The following ITGA11 variants were observed in gnomAD, a reference collection of about 807,000 sequenced individuals.
ITGA11 encodes the protein integrin subunit alpha 11.
ITGA11 carries 97 observed loss-of-function variants against 141.9 expected under a neutral mutation model. That is an observed-to-expected ratio of 0.68 (90% CI 0.58 to 0.81). The LOEUF is 0.81. ITGA11 is among the 30% of genes least tolerant of loss of function. ITGA11 has a pLI of 0.00. For missense variants in ITGA11, 1,387 were observed against 1,559.2 expected (o/e 0.89, Z 1.86); for synonymous variants, 658 against 624.6 (o/e 1.05, Z -0.80).
Position 68,325,116 on chromosome 15 carries a change from T to C in ITGA11, c.2322+15A>G. The C allele has an allele frequency of 6.3e-7, 1 of 1,597,760 alleles. No homozygotes were observed. The highest frequency in any genetic ancestry group is 8.6e-7 in the Non-Finnish European group (1 of 1,165,200). ...GGGTTCATGCCCGAGGTGCGTGCCC[T>C]GTACCGAGATGTACCGAGACTCTGA... On this transcript the variant is annotated intron_variant, in intron 18 of 29. Transcript: ENST00000315757. The surrounding 1 kb of genome is among the most constrained non-coding windows in gnomAD (Gnocchi z 5.5).
At chr15:68,404,479 AG>A (rs1365552925) in intron 1 of ITGA11, among the ~76,000 whole-genome samples, 1 of 152,216 alleles carries the variant, frequency 6.6e-6, no homozygotes, top group East Asian at 1.9e-4. Flanking sequence ...GCAAATCACA[AG>A]AAACAACAAA....
chr15:68,307,730 C>A lies in ITGA11; in HGVS notation c.3175-34G>T. 6.7e-7 allele frequency: 1 copy of A among 1,499,734 alleles called. No homozygotes were observed. The highest frequency in any genetic ancestry group is 9.3e-7 in the Non-Finnish European group (1 of 1,079,556). 92.9% of individuals were successfully genotyped at this position (1,499,734 alleles called of 1,614,324 possible). A position where few individuals can be genotyped will look rare whatever the true frequency, so the allele number is the denominator to read the frequency against. The stretch of plus-strand genomic sequence containing the variant: ...GAAGATGGGTCTCAGGGCTGAGCTG[C>A]TGGGCTAGGGGAGCAGGGGGCAGCA... On this transcript the variant is annotated intron_variant, in intron 26 of 29. Coordinates refer to ENST00000315757, the MANE Select transcript of ITGA11 (RefSeq NM_001004439.2). The surrounding 1 kb of genome is among the most constrained non-coding windows in gnomAD (Gnocchi z 6.1).
At chr15:68,306,050 C>T (rs1325831434) in intron 28 of ITGA11, among the ~76,000 whole-genome samples, 2 of 148,318 alleles carry the variant, frequency 1.3e-5, no homozygotes, top group South Asian at 2.1e-4. Flanking sequence ...ATTAGCCAGG[C>T]GTAGTGGCGG....
Position 68,304,787 on chromosome 15 carries a change from C to G in ITGA11, c.3382-902G>C, listed in dbSNP as rs544646357. Among the ~76,000 whole-genome samples, 2 of 152,314 alleles carry G rather than the reference C, an allele frequency of 1.3e-5. No homozygotes were observed. Among genetic ancestry groups the G allele is most frequent in the South Asian group, 4.1e-4 (2 of 4,824 alleles). On this transcript the variant is annotated intron_variant, in intron 28 of 29. Transcript: ENST00000315757. This position sits in a 1 kb window ranked among gnomAD's most constrained non-coding sequence, Gnocchi z 6.1. ...CCTCCGCGCTGCTCAGGCCAGAAGCCATGTATCCATCACTGACCCTAACTC... is the reference window on the plus strand; with the variant it reads ...CCTCCGCGCTGCTCAGGCCAGAAGCGATGTATCCATCACTGACCCTAACTC...
In ITGA11 at chr15:68,303,263, AC is replaced by A; in HGVS notation, c.3496-134del. On this transcript the variant is annotated intron_variant, in intron 29 of 29. Coordinates refer to ENST00000315757, the MANE Select transcript of ITGA11 (RefSeq NM_001004439.2). The surrounding 1 kb of genome is among the most constrained non-coding windows in gnomAD (Gnocchi z 5.3). ...TGAGTACCCCCAGCTCATTCTGAGC[AC>A]CCCCTCCTCCAGAACTGCCTCTGTG... The A allele has an allele frequency of 2.7e-6, 2 of 738,310 alleles. No individual in the cohort carries two copies. The highest frequency in any genetic ancestry group is 2.6e-5 in the Admixed American group (1 of 38,396). The allele number at this position is 738,310 out of a possible 1,614,324, so 45.7% of individuals were successfully genotyped here. A position where few individuals can be genotyped will look rare whatever the true frequency, so the allele number is the denominator to read the frequency against.
At chr15:68,428,410 G>A (rs1016571518) in intron 1 of ITGA11, among the ~76,000 whole-genome samples, 28 of 152,180 alleles carry the variant, frequency 1.8e-4, no homozygotes, top group Admixed American at 1.7e-3. Flanking sequence ...ACAGCCCTGT[G>A]TGGATGGGCT....
chr15:68,336,115 C>G (rs1894347821), intron 11 of ITGA11: 3 of 526,998 alleles, frequency 5.7e-6, no homozygotes, highest in Non-Finnish European at 1.0e-5. Flanking sequence ...CCAGGTGGGA[C>G]TGCTAAAAGA....
chr15:68,390,116 T>C (rs1235955546), intron 2 of ITGA11, among the ~76,000 whole-genome samples: 3 of 152,206 alleles, frequency 2.0e-5, no homozygotes, highest in Non-Finnish European at 4.4e-5. Flanking sequence ...GCGAGTGTTG[T>C]TATTGTTGCT....
intron 1 of ITGA11, among the ~76,000 whole-genome samples, chr15:68,412,668 C>CT (rs71145169): frequency 0.034 from 1,992 of 59,144 alleles, 95 homozygotes; most frequent in African/African-American, 0.06. Flanking sequence ...AACTTATTCG[C>CT]TTTTTTTTTT....
At position 68,348,880 on chromosome 15, in the gene ITGA11, A is replaced by C; in HGVS notation, c.1081T>G (p.Ser361Ala). 1 of 1,608,522 alleles carries C rather than the reference A, an allele frequency of 6.2e-7. No individual in the cohort carries two copies. The highest frequency in any genetic ancestry group is 8.5e-7 in the Non-Finnish European group (1 of 1,177,540). The change falls in exon 10 of 30, where the codon TCC becomes GCC. Residue 361 changes from serine to alanine, a missense_variant. Transcript: ENST00000315757. ...SLEGTNKNET[S>A]FGLEMSQTGF... ...GTCTGTGACATCTCCAGCCCAAAGG[A>C]GGTCTCGTTCTTGTTGGTGCCTGCA...
intron 3 of ITGA11, among the ~76,000 whole-genome samples, chr15:68,366,261 C>T (rs555010259): frequency 7.9e-5 from 12 of 152,278 alleles, no homozygotes; most frequent in Admixed American, 1.3e-4. Context: ...GGACCCCTCA[C>T]GGTCCTGGGA....
chr15:68,325,775 C>T lies in ITGA11; in HGVS notation c.2212-534G>A, dbSNP rs1282628311. The stretch of plus-strand genomic sequence containing the variant: ...CAAGACAGGGGCGCTCAGGTTGGTT[C>T]TGAGCATAGATGGTAAGTAAAGGGG... On this transcript the variant is annotated intron_variant, in intron 17 of 29. Coordinates refer to ENST00000315757, the MANE Select transcript of ITGA11 (RefSeq NM_001004439.2). This position sits in a 1 kb window ranked among gnomAD's most constrained non-coding sequence, Gnocchi z 5.5. Among the ~76,000 whole-genome samples the T allele has an allele frequency of 6.6e-6, 1 of 152,236 alleles. No homozygotes were observed. The highest frequency in any genetic ancestry group is 1.5e-5 in the Non-Finnish European group (1 of 68,046).
chr15:68,321,347 C>A lies in ITGA11; in HGVS notation c.2408+71G>T. 7 of 900,998 alleles carry A rather than the reference C, an allele frequency of 7.8e-6. No individual in the cohort carries two copies. Among genetic ancestry groups the A allele is most frequent in the East Asian group, 2.9e-5 (1 of 33,932 alleles). The allele number at this position is 900,998 out of a possible 1,614,324, so 55.8% of individuals were successfully genotyped here. A position where few individuals can be genotyped will look rare whatever the true frequency, so the allele number is the denominator to read the frequency against. On this transcript the variant is annotated intron_variant, in intron 19 of 29. Coordinates refer to ENST00000315757, the MANE Select transcript of ITGA11 (RefSeq NM_001004439.2). The surrounding 1 kb of genome is among the most constrained non-coding windows in gnomAD (Gnocchi z 4.9). ...AGGATGTCCAGGAAATAATCCAGGG[C>A]CCCAGGAGCCCCAGAGCCTCTGGCA...
At chr15:68,412,911 A>G (rs1344110426) in intron 1 of ITGA11, among the ~76,000 whole-genome samples, 1 of 151,930 alleles carries the variant, frequency 6.6e-6, no homozygotes, top group Non-Finnish European at 1.5e-5. Flanking sequence ...CCTGACCTCA[A>G]GTGATCTACC....
intron 4 of ITGA11, 104 bp downstream of exon 4, chr15:68,364,603 G>A: frequency 1.1e-6 from 1 of 883,960 alleles, no homozygotes. Flanking sequence ...GTGGGGGAGA[G>A]TGGGTGTACA....
intron 2 of ITGA11, among the ~76,000 whole-genome samples, chr15:68,399,106 A>G (rs73433935): frequency 0.038 from 5,744 of 152,120 alleles, 177 homozygotes; most frequent in African/African-American, 0.085. Flanking sequence ...TAAAGGATCT[A>G]TCATAGCTAA....
chr15:68,395,225 C>T (rs909433805), intron 2 of ITGA11, among the ~76,000 whole-genome samples: 1 of 152,162 alleles, frequency 6.6e-6, no homozygotes, highest in South Asian at 2.1e-4. Flanking sequence ...TGGGGAGAAA[C>T]CAGAGCAGAA....
At chr15:68,346,801 G>A (rs1367845972) in intron 10 of ITGA11, among the ~76,000 whole-genome samples, 3 of 152,158 alleles carry the variant, frequency 2.0e-5, no homozygotes, top group African/African-American at 7.2e-5. Flanking sequence ...TTTAGTGGAG[G>A]CCCTTCCTTC....
At chr15:68,425,422 C>A (rs1191817895) in intron 1 of ITGA11, among the ~76,000 whole-genome samples, 2 of 152,226 alleles carry the variant, frequency 1.3e-5, no homozygotes, top group Non-Finnish European at 2.9e-5. Context: ...ACTCAGAGAA[C>A]CCTGTCTACA....
Sources: allele counts gnomAD v4.1 joint callset (sites outside exome capture counted in the v4.1 genomes callset), GRCh38; gene constraint gnomAD v4.1.1; non-coding constraint Gnocchi (gnomAD v3.1); transcripts MANE v1.5; gene names NCBI Gene and HGNC (gene_info 2026-07-23, HGNC 2026-07-21).